The following EFHD2 variants were observed in gnomAD, a reference collection of about 807,000 sequenced individuals.
The protein encoded by EFHD2 is EF-hand domain-containing protein D2.
EFHD2 carries 12 observed loss-of-function variants against 20.3 expected under a neutral mutation model. The observed-to-expected ratio is 0.59, with a 90% confidence interval of 0.38 to 0.96. The LOEUF (loss-of-function observed/expected upper bound fraction) is 0.96, where lower values mean the gene tolerates loss of function less well. Among genes scored for constraint, EFHD2 ranks in the 40% least tolerant of loss-of-function variants. The probability of loss-of-function intolerance (pLI) is 0.00; values close to 1 mark genes in which losing one functional copy is unlikely to be tolerated. For missense variants in EFHD2, 250 were observed against 334.3 expected (o/e 0.75, Z 1.97); for synonymous variants, 131 against 143.9 (o/e 0.91, Z 0.64).
At chr1:15,427,034 C>A in intron 2 of EFHD2, 116 bp from the exon 3 acceptor site, 2 of 1,385,630 alleles carry the variant, frequency 1.4e-6, no homozygotes, top group South Asian at 1.4e-5. Context: ...CAGCTCACTG[C>A]CCCCCAGTCC....
In EFHD2 at chr1:15,418,509, G is replaced by T. The variant is rs1000969120; in HGVS notation, c.309-7362G>T. Among the ~76,000 whole-genome samples the T allele has an allele frequency of 5.3e-5, 8 of 150,694 alleles. No homozygotes were observed. The South Asian group carries it at 6.3e-4, about 12-fold the overall frequency. The stretch of plus-strand genomic sequence containing the variant: ...TTTAGTAGAGACGGGGTTTCACCGT[G>T]TTAGCCAGGATGGTCTCAATCTCCT... On this transcript the variant is annotated intron_variant, in intron 1 of 3. Coordinates refer to ENST00000375980, the MANE Select transcript of EFHD2 (RefSeq NM_024329.6).
At chr1:15,415,115 G>A (rs1469538620) in intron 1 of EFHD2, among the ~76,000 whole-genome samples, 1 of 152,208 alleles carries the variant, frequency 6.6e-6, no homozygotes, top group African/African-American at 2.4e-5. Context: ...TCTCGTATGT[G>A]ATCATTCTTC....
Position 15,427,159 on chromosome 1 carries a change from ATCT to A in EFHD2, c.469_471del (p.Phe157del), listed in dbSNP as rs769968674. ...TCCCTCCCCGCTGCAGTTCCTCCTG[ATCT>A]TCCGCAAGGCGGCGGCCGGGGAGCT... On this transcript the variant is annotated inframe_deletion, in exon 3 of 4. Coordinates refer to ENST00000375980, the MANE Select transcript of EFHD2 (RefSeq NM_024329.6). The A allele has an allele frequency of 6.2e-7, 1 of 1,612,362 alleles. No homozygotes were observed. Among genetic ancestry groups the A allele is most frequent in the Admixed American group, 1.7e-5 (1 of 59,856 alleles).
intron 1 of EFHD2, among the ~76,000 whole-genome samples, chr1:15,420,185 T>C (rs771842042): frequency 7.2e-5 from 11 of 152,190 alleles, no homozygotes; most frequent in Non-Finnish European, 1.5e-4. Context: ...ATCACCCTTT[T>C]TATATTGTAT....
At chr1:15,418,466 C>T (rs541575947) in intron 1 of EFHD2, among the ~76,000 whole-genome samples, 18 of 151,606 alleles carry the variant, frequency 1.2e-4, no homozygotes, top group South Asian at 2.1e-4. Context: ...CCATCACGCC[C>T]GGCTAATTTT....
intron 1 of EFHD2, among the ~76,000 whole-genome samples, chr1:15,419,068 A>G (rs1028148295): frequency 6.6e-6 from 1 of 152,270 alleles, no homozygotes; most frequent in African/African-American, 2.4e-5. Flanking sequence ...CAAGGCTGGG[A>G]CATCTGCACT....
intron 1 of EFHD2, among the ~76,000 whole-genome samples, chr1:15,415,232 T>C (rs146444985): frequency 4.3e-4 from 65 of 152,232 alleles, no homozygotes; most frequent in African/African-American, 1.6e-3. Flanking sequence ...GTATAGAGGT[T>C]TGGGGATAGA....
At chr1:15,417,885 G>A (rs776803538) in intron 1 of EFHD2, among the ~76,000 whole-genome samples, 3 of 152,066 alleles carry the variant, frequency 2.0e-5, no homozygotes, top group South Asian at 2.1e-4. Context: ...CCACCTTCCC[G>A]TGTGCAGTTT....
chr1:15,410,658 TCTC>T (rs1267494090), intron 1 of EFHD2, among the ~76,000 whole-genome samples: 1 of 150,456 alleles, frequency 6.6e-6, no homozygotes, highest in African/African-American at 2.5e-5. Context: ...TAGTGGGGCT[TCTC>T]CACCACCCCA....
intron 1 of EFHD2, among the ~76,000 whole-genome samples, chr1:15,414,602 G>A (rs1252335378): frequency 3.9e-5 from 6 of 152,240 alleles, no homozygotes; most frequent in Non-Finnish European, 1.5e-5. Flanking sequence ...CCCTGGCAGT[G>A]GTCATTGCGG....
At chr1:15,412,174 T>C (rs1215052020) in intron 1 of EFHD2, among the ~76,000 whole-genome samples, 1 of 151,626 alleles carries the variant, frequency 6.6e-6, no homozygotes, top group Non-Finnish European at 1.5e-5. Flanking sequence ...ACTGGCGAGA[T>C]TGGGAGAGCA....
intron 1 of EFHD2, 58 bp from the exon 2 acceptor site, chr1:15,425,813 G>A: frequency 1.7e-5 from 27 of 1,577,034 alleles, no homozygotes; most frequent in Non-Finnish European, 2.3e-5. Flanking sequence ...TTGCACTCAA[G>A]CCTGCGGCCT....
At chr1:15,423,883 C>T (rs542628337) in intron 1 of EFHD2, among the ~76,000 whole-genome samples, 1 of 152,266 alleles carries the variant, frequency 6.6e-6, no homozygotes, top group East Asian at 1.9e-4. Flanking sequence ...CACAAGCCTT[C>T]TTTAGGTGCA....
In EFHD2 at chr1:15,428,866, A is replaced by G. The variant is rs989657735; in HGVS notation, c.*142A>G. ...AAATATCTGTGAATGGAGCAAGTTC[A>G]GGGGTCTTATGGAGGTGGCCCGGCC... On this transcript the variant is annotated 3_prime_UTR_variant, in exon 4 of 4. Coordinates refer to ENST00000375980, the MANE Select transcript of EFHD2 (RefSeq NM_024329.6). 50 of 1,324,536 alleles carry G rather than the reference A, an allele frequency of 3.8e-5. No individual in the cohort carries two copies. The East Asian group carries it at 1.3e-3, about 34-fold the overall frequency. 82.0% of individuals were successfully genotyped at this position (1,324,536 alleles called of 1,614,324 possible).
At chr1:15,421,869 G>C (rs2103276841) in intron 1 of EFHD2, among the ~76,000 whole-genome samples, 1 of 152,272 alleles carries the variant, frequency 6.6e-6, no homozygotes, top group South Asian at 2.1e-4. Flanking sequence ...ATTGTAAAGA[G>C]AAAGTGCTGG....
intron 1 of EFHD2, among the ~76,000 whole-genome samples, chr1:15,410,498 C>T (rs993287698): frequency 3.3e-5 from 5 of 152,080 alleles, no homozygotes; most frequent in South Asian, 2.1e-4. Flanking sequence ...GCCCCTGGCA[C>T]GCGGCGGAGA....
At position 15,426,880 on chromosome 1, in the gene EFHD2, G is replaced by A. The variant is rs1267049818; in HGVS notation, c.457-270G>A. Among the ~76,000 whole-genome samples the A allele has an allele frequency of 1.3e-5, 2 of 152,214 alleles. No individual in the cohort carries two copies. The highest frequency in any genetic ancestry group is 4.8e-5 in the African/African-American group (2 of 41,450). On this transcript the variant is annotated intron_variant, in intron 2 of 3. Coordinates refer to ENST00000375980, the MANE Select transcript of EFHD2 (RefSeq NM_024329.6). This position sits in a 1 kb window ranked among gnomAD's most constrained non-coding sequence, Gnocchi z 4.6. The stretch of plus-strand genomic sequence containing the variant: ...AGACAGAGGTAAGAGGTAGGCTGAG[G>A]CCGTGTCGTCGGGAGCTGGTGTGGG...
chr1:15,415,520 G>A (rs1200765481), intron 1 of EFHD2, among the ~76,000 whole-genome samples: 16 of 145,414 alleles, frequency 1.1e-4, no homozygotes, highest in Admixed American at 4.2e-4. Context: ...ATGGAGTCTC[G>A]CTCTGCCACC....
In EFHD2 at chr1:15,428,781, C is replaced by T; in HGVS notation, c.*57C>T. The T allele has an allele frequency of 1.3e-6, 2 of 1,548,292 alleles. No individual in the cohort carries two copies. Among genetic ancestry groups the T allele is most frequent in the South Asian group, 2.4e-5 (2 of 83,940 alleles). On this transcript the variant is annotated 3_prime_UTR_variant, in exon 4 of 4. Transcript: ENST00000375980. ...CCCAGTGTGGTGGGCGAGGGTGGCG[C>T]ATGGGAGGCCGAGCCTGAATCCTTG...
Sources: gnomAD v4.1 joint callset for allele counts (sites outside exome capture counted in the v4.1 genomes callset) on GRCh38, gnomAD v4.1.1 for gene constraint, Gnocchi (gnomAD v3.1) non-coding constraint, MANE v1.5 for transcripts, NCBI Gene and HGNC (gene_info 2026-07-23, HGNC 2026-07-21) for gene names.